The following ARHGAP25 variants were observed in gnomAD, a reference collection of about 807,000 sequenced individuals.
The protein encoded by ARHGAP25 is Rho GTPase activating protein 25.
Under a neutral mutation model 71.0 loss-of-function variants are expected in ARHGAP25, and 34 were observed. That is an observed-to-expected ratio of 0.48 (90% confidence interval 0.36 to 0.64). ARHGAP25 has a LOEUF of 0.64. ARHGAP25 is among the 30% of genes least tolerant of loss of function. The pLI is 0.00. For missense variants in ARHGAP25, 706 were observed against 805.1 expected, an observed-to-expected ratio of 0.88 and a Z score of 1.49; for synonymous variants, 282 against 296.5, an observed-to-expected ratio of 0.95 and a Z score of 0.50.
intron 1 of ARHGAP25, among the ~76,000 whole-genome samples, chr2:68,756,252 C>T (rs976097111): frequency 1.3e-5 from 2 of 152,224 alleles, no homozygotes; most frequent in Non-Finnish European, 2.9e-5. Context: ...TTGTGCTCAA[C>T]GTGCAGGGGC....
intron 2 of ARHGAP25, among the ~76,000 whole-genome samples, chr2:68,716,588 A>G (rs1447723502): frequency 1.3e-5 from 2 of 152,208 alleles, no homozygotes; most frequent in Non-Finnish European, 2.9e-5. Flanking sequence ...GATGAAGAAC[A>G]TGGGTCCCTT....
intron 2 of ARHGAP25, among the ~76,000 whole-genome samples, chr2:68,777,163 C>A (rs77081098): frequency 1.3e-5 from 2 of 152,106 alleles, no homozygotes; most frequent in Non-Finnish European, 2.9e-5. Context: ...TATGTTAAGA[C>A]GATGGAGGAA....
intron 1 of ARHGAP25, among the ~76,000 whole-genome samples, chr2:68,748,126 G>A (rs1675945785): frequency 3.3e-5 from 5 of 152,110 alleles, no homozygotes; most frequent in Admixed American, 6.5e-5. Context: ...CCACCCACCT[G>A]TAGTCCTCTG....
intron 2 of ARHGAP25, among the ~76,000 whole-genome samples, chr2:68,728,321 G>T (rs568358996): frequency 1.3e-5 from 2 of 152,214 alleles, no homozygotes; most frequent in East Asian, 1.9e-4. Flanking sequence ...AATAAAAAAA[G>T]ACTGATGATA....
At chr2:68,764,630 G>A (rs1677018043) in intron 1 of ARHGAP25, among the ~76,000 whole-genome samples, 1 of 152,134 alleles carries the variant, frequency 6.6e-6, no homozygotes, top group Non-Finnish European at 1.5e-5. Flanking sequence ...GGGCACCCAG[G>A]GTAAACTGGA....
At chr2:68,797,845 C>T (rs1679677406) in intron 4 of ARHGAP25, among the ~76,000 whole-genome samples, 2 of 152,218 alleles carry the variant, frequency 1.3e-5, no homozygotes, top group Admixed American at 1.3e-4. Flanking sequence ...TATAATTCCC[C>T]AGTGGGAAAG....
Position 68,787,855 on chromosome 2 carries a change from A to G in ARHGAP25, c.365A>G (p.Asn122Ser). 1 of 1,614,166 alleles carries G rather than the reference A, an allele frequency of 6.2e-7. No individual in the cohort carries two copies. Reference protein sequence around the residue: ...FEIIPASWDQNRMGQDSYVLM... With the variant: ...FEIIPASWDQSRMGQDSYVLM... ...CTTCCTCCAGCCTCATGGGACCAGA[A>G]TCGCATGGGACAGGACTCCTATGTC... Residue 122 changes from asparagine (N) to serine (S), a missense_variant, in exon 4 of 11, where the codon AAT becomes AGT. Coordinates refer to ENST00000409202, the MANE Select transcript of ARHGAP25 (RefSeq NM_001007231.3).
At chr2:68,763,671 A>C (rs867179772) in intron 1 of ARHGAP25, among the ~76,000 whole-genome samples, 5 of 152,194 alleles carry the variant, frequency 3.3e-5, no homozygotes, top group South Asian at 2.1e-4. Context: ...GCATTCCTGG[A>C]ATATTCCAGA....
chr2:68,749,873 A>G (rs1676054214), intron 1 of ARHGAP25, among the ~76,000 whole-genome samples: 1 of 152,248 alleles, frequency 6.6e-6, no homozygotes, highest in South Asian at 2.1e-4. Flanking sequence ...ATGGCAACAC[A>G]TTCCCAAAAT....
chr2:68,731,700 C>A (rs1390921052), upstream of ARHGAP25, among the ~76,000 whole-genome samples: 1 of 152,050 alleles, frequency 6.6e-6, no homozygotes, highest in African/African-American at 2.4e-5. Context: ...GTCTGGAATC[C>A]TTTTTCCAAC....
At chr2:68,819,859 ACT>A (rs769579913) in intron 9 of ARHGAP25, 8 of 208,130 alleles carry the variant, frequency 3.8e-5, no homozygotes, top group Non-Finnish European at 5.7e-5. Context: ...AGCTCTGCTG[ACT>A]CTGAAATGTA....
At chr2:68,742,797 C>T (rs1558608427) in intron 1 of ARHGAP25, among the ~76,000 whole-genome samples, 5 of 152,162 alleles carry the variant, frequency 3.3e-5, no homozygotes, top group African/African-American at 7.2e-5. Context: ...TCCTTTCCTG[C>T]CCAGTGTCTG....
At chr2:68,728,586 A>T (rs951172239) in intron 2 of ARHGAP25, among the ~76,000 whole-genome samples, 1 of 152,150 alleles carries the variant, frequency 6.6e-6, no homozygotes, top group African/African-American at 2.4e-5. Context: ...TGTCAGGGGA[A>T]GATAATAGTT....
intron 2 of ARHGAP25, among the ~76,000 whole-genome samples, chr2:68,780,876 G>T (rs149631642): frequency 2.6e-5 from 4 of 152,216 alleles, no homozygotes; most frequent in African/African-American, 9.6e-5. Flanking sequence ...ACTTTGTTTT[G>T]AAATAAAGAC....
chr2:68,714,298 G>T, intron 2 of ARHGAP25, among the ~76,000 whole-genome samples: 1 of 152,056 alleles, frequency 6.6e-6, no homozygotes, highest in Non-Finnish European at 1.5e-5. Context: ...TTCTCTGATG[G>T]TAGTTTGTAT....
intron 3 of ARHGAP25, among the ~76,000 whole-genome samples, chr2:68,783,732 G>T (rs1239221147): frequency 6.6e-6 from 1 of 152,036 alleles, no homozygotes; most frequent in African/African-American, 2.4e-5. Flanking sequence ...TGAAGTGCTG[G>T]GATTACAGAT....
intron 1 of ARHGAP25, among the ~76,000 whole-genome samples, chr2:68,768,448 A>G (rs1040408599): frequency 5.9e-5 from 9 of 152,172 alleles, no homozygotes; most frequent in African/African-American, 1.7e-4. Flanking sequence ...TTATTTTATT[A>G]ACTCAGCAAA....
In ARHGAP25 at chr2:68,826,008, C is replaced by T. The variant is rs140238868; in HGVS notation, c.1755C>T (p.Asp585=). The T allele has an allele frequency of 5.5e-5, 89 of 1,613,232 alleles. No individual in the cohort carries two copies. Among genetic ancestry groups the T allele is most frequent in the South Asian group, 3.7e-4 (34 of 91,054 alleles). ...QIKNLEKENY[D]VWAKVVRLNE... ...GTAGCCTTGAGAAGGAAAATTATGA[C>T]GTTTGGGCTAAAGTGGTGAGGCTCA... is the stretch of plus-strand genomic sequence containing the variant. The change falls in exon 11 of 11, where the codon GAC becomes GAT. Residue 585 remains aspartate, a synonymous_variant. Transcript: ENST00000409202.
In ARHGAP25 at chr2:68,781,361, G is replaced by A. The variant is rs184373891; in HGVS notation, c.262-872G>A. ...GCTGAGATCACGCCACTGCACTCCA[G>A]CCTGGGCAACAGAGCGAGACTCCGT... On this transcript the variant is annotated intron_variant, in intron 2 of 10. Coordinates refer to ENST00000409202, the MANE Select transcript of ARHGAP25 (RefSeq NM_001007231.3). Among the ~76,000 whole-genome samples the A allele has an allele frequency of 2.6e-3, 397 of 152,254 alleles. 8 individuals carry two copies. Among genetic ancestry groups the A allele is most frequent in the Non-Finnish European group, 3.8e-4 (26 of 68,022 alleles).
Sources: allele counts gnomAD v4.1 joint callset (sites outside exome capture counted in the v4.1 genomes callset), GRCh38; gene constraint gnomAD v4.1.1; transcripts MANE v1.5; gene names NCBI Gene and HGNC (gene_info 2026-07-23, HGNC 2026-07-21).